HGD: variants seen among roughly 807,000 people sequenced by gnomAD.
The protein encoded by HGD is homogentisate oxidase.
Under a neutral mutation model 60.8 loss-of-function variants are expected in HGD, and 61 were observed. The observed-to-expected ratio is 1.00, with a 90% confidence interval of 0.82 to 1.24. The LOEUF is 1.24. HGD is among the 50% of genes most tolerant of loss of function. The probability of loss-of-function intolerance (pLI) is 0.00; values close to 1 mark genes in which losing one functional copy is unlikely to be tolerated. For synonymous variants in HGD, 212 were observed against 187.7 expected (o/e 1.13, Z -1.06); for missense variants, 542 against 547.1 (o/e 0.99, Z 0.09).
At chr3:120,676,057 A>C (rs1015750200) in intron 1 of HGD, among the ~76,000 whole-genome samples, 194 bp from the exon 2 acceptor site, 2 of 152,290 alleles carry the variant, frequency 1.3e-5, no homozygotes, top group African/African-American at 4.8e-5. Flanking sequence ...AATTTTAAAG[A>C]CTTCTAATTA....
Position 120,645,731 on chromosome 3 carries a change from G to A in HGD, c.649+536C>T, listed in dbSNP as rs369574184. 2.6e-5 allele frequency among the ~76,000 whole-genome samples: 4 copies of A among 152,188 alleles called. No individual in the cohort carries two copies. The East Asian group carries it at 5.8e-4, about 22-fold the overall frequency. ...CCTTTCCATAGGAATACAGCCCAGG[G>A]CATTTTTATGGCCTTCCCATTTTAT... On this transcript the variant is annotated intron_variant, in intron 9 of 13. Transcript: ENST00000283871.
intron 3 of HGD, among the ~76,000 whole-genome samples, chr3:120,672,837 C>T (rs1412919185): frequency 6.6e-6 from 1 of 152,182 alleles, no homozygotes; most frequent in African/African-American, 2.4e-5. Context: ...CCTTTCTTCT[C>T]TTAATCTTCT....
chr3:120,631,282 C>G (rs1251995868), intron 13 of HGD, among the ~76,000 whole-genome samples: 1 of 151,910 alleles, frequency 6.6e-6, no homozygotes, highest in Non-Finnish European at 1.5e-5. Context: ...TAAGACCTAG[C>G]ATTTGATAGC....
At chr3:120,634,664 A>G (rs1160772100) in intron 12 of HGD, among the ~76,000 whole-genome samples, 1 of 152,232 alleles carries the variant, frequency 6.6e-6, no homozygotes, top group Non-Finnish European at 1.5e-5. Flanking sequence ...CAAACCAAGG[A>G]CAGAATAGAG....
intron 3 of HGD, among the ~76,000 whole-genome samples, chr3:120,671,795 T>G (rs780615045): frequency 4.3e-4 from 65 of 152,188 alleles, no homozygotes; most frequent in Non-Finnish European, 8.2e-4. Context: ...CACCATGGAA[T>G]ACTATGCAGC....
intron 3 of HGD, among the ~76,000 whole-genome samples, chr3:120,674,358 G>A (rs1442542828): frequency 6.6e-6 from 1 of 152,146 alleles, no homozygotes; most frequent in African/African-American, 2.4e-5. Flanking sequence ...GTATGTAAAT[G>A]AATATGCTGG....
At chr3:120,643,961 A>G (rs1941076345) in intron 10 of HGD, among the ~76,000 whole-genome samples, 1 of 152,174 alleles carries the variant, frequency 6.6e-6, no homozygotes, top group Admixed American at 6.5e-5. Context: ...ACTTTTCAGA[A>G]CATATTATGC....
At chr3:120,631,402 T>C (rs1195199685) in intron 13 of HGD, among the ~76,000 whole-genome samples, 6 of 152,194 alleles carry the variant, frequency 3.9e-5, no homozygotes, top group African/African-American at 1.2e-4. Context: ...AGGTAATGGA[T>C]ACCCCATTTA....
intron 4 of HGD, among the ~76,000 whole-genome samples, chr3:120,656,004 C>A (rs968858784): frequency 2.0e-5 from 3 of 152,172 alleles, no homozygotes; most frequent in Non-Finnish European, 2.9e-5. Context: ...GAAGCCCTAA[C>A]CTTCAATGTG....
intron 1 of HGD, chr3:120,677,965 G>A (rs1708163876): frequency 6.6e-6 from 1 of 152,208 alleles, no homozygotes; most frequent in African/African-American, 2.4e-5. Context: ...GCCTGGATGT[G>A]TGAGTGATGA....
At chr3:120,671,400 C>T (rs1210712924) in intron 3 of HGD, among the ~76,000 whole-genome samples, 2 of 151,942 alleles carry the variant, frequency 1.3e-5, no homozygotes, top group Non-Finnish European at 2.9e-5. Flanking sequence ...TGTTTATTGG[C>T]TCTTTATAGT....
intron 13 of HGD, among the ~76,000 whole-genome samples, chr3:120,630,839 C>CGCAT (rs1371803470): frequency 3.7e-5 from 3 of 81,090 alleles, no homozygotes; most frequent in African/African-American, 1.9e-4. Flanking sequence ...CATACACACA[C>CGCAT]ACATACACAC....
intron 7 of HGD, 130 bp downstream of exon 7, chr3:120,647,747 G>C (rs1941209793): frequency 1.2e-6 from 1 of 827,506 alleles, no homozygotes; most frequent in African/African-American, 1.7e-5. Context: ...CTAGACCTCA[G>C]TCTCTGGATT....
chr3:120,653,720 A>C (rs980306625), intron 4 of HGD, among the ~76,000 whole-genome samples: 10 of 152,198 alleles, frequency 6.6e-5, no homozygotes, highest in Non-Finnish European at 1.3e-4. Flanking sequence ...GAAAGAAGGA[A>C]ATGCTTTAGG....
rs762831007 is a variant in HGD at position 120,646,991 on chromosome 3, A to G, written c.531T>C (p.Asn177=). 1 of 1,606,932 alleles carries G rather than the reference A, an allele frequency of 6.2e-7. No individual in the cohort carries two copies. The highest frequency in any genetic ancestry group is 8.5e-7 in the Non-Finnish European group (1 of 1,173,440). The change falls in exon 8 of 14, where the codon AAT becomes AAC. Residue 177 remains asparagine (N), a synonymous_variant. Coordinates refer to ENST00000283871, the MANE Select transcript of HGD (RefSeq NM_000187.4). ...CACCAACCTGAATGACGCAGATCTC[A>G]TTGGGCTGTACAAGCATCTTGCCAA... The part of the protein sequence containing the change: ...TEFGKMLVQP[N]EICVIQRGMR...
intron 4 of HGD, among the ~76,000 whole-genome samples, chr3:120,654,321 T>G (rs555054675): frequency 2.2e-4 from 33 of 152,284 alleles, no homozygotes; most frequent in African/African-American, 7.0e-4. Context: ...CTCATGAGAA[T>G]CACATGGAGA....
At chr3:120,642,554 T>C (rs1941021148) in intron 10 of HGD, among the ~76,000 whole-genome samples, 1 of 152,230 alleles carries the variant, frequency 6.6e-6, no homozygotes, top group South Asian at 2.1e-4. Context: ...TGACATATAG[T>C]GTTTACTGAT....
chr3:120,630,014 C>A (rs1438224594), intron 13 of HGD, among the ~76,000 whole-genome samples: 1 of 152,098 alleles, frequency 6.6e-6, no homozygotes, highest in East Asian at 1.9e-4. Flanking sequence ...GGAATGCAAT[C>A]CCATTCACAA....
chr3:120,656,852 C>T (rs1158462029), intron 4 of HGD, among the ~76,000 whole-genome samples: 9 of 152,070 alleles, frequency 5.9e-5, no homozygotes, highest in African/African-American at 9.7e-5. Context: ...GTGCCTGGAC[C>T]GTGAGATCTT....
Sources: allele counts gnomAD v4.1 joint callset (sites outside exome capture counted in the v4.1 genomes callset), GRCh38; gene constraint gnomAD v4.1.1; transcripts MANE v1.5; gene names NCBI Gene and HGNC (gene_info 2026-07-23, HGNC 2026-07-21).